CD2AP: variants seen among roughly 807,000 people sequenced by gnomAD.
The protein encoded by CD2AP is CD2-associated protein.
CD2AP carries 46 observed loss-of-function variants against 85.1 expected under a neutral mutation model. The observed-to-expected ratio is 0.54, with a 90% confidence interval of 0.43 to 0.69. The LOEUF is 0.69. Ranked by LOEUF, CD2AP falls within the 30% of genes least tolerant of loss-of-function variation. The pLI is 0.00. For missense variants in CD2AP, 769 were observed against 729.5 expected (o/e 1.05, Z -0.62); for synonymous variants, 255 against 252.9 (o/e 1.01, Z -0.08).
At chr6:47,527,659 A>G (rs1766765103) in intron 2 of CD2AP, among the ~76,000 whole-genome samples, 1 of 152,206 alleles carries the variant, frequency 6.6e-6, no homozygotes, top group Non-Finnish European at 1.5e-5. Flanking sequence ...GTGATTTGGT[A>G]TGGGACATGG....
At chr6:47,543,074 T>C (rs1311673852) in intron 3 of CD2AP, among the ~76,000 whole-genome samples, 2 of 136,212 alleles carry the variant, frequency 1.5e-5, no homozygotes, top group African/African-American at 5.7e-5. Flanking sequence ...TCGCTTGAAC[T>C]CGGGAGGTGG....
intron 2 of CD2AP, among the ~76,000 whole-genome samples, chr6:47,507,728 A>G (rs539799191): frequency 3.3e-5 from 5 of 152,186 alleles, no homozygotes; most frequent in Non-Finnish European, 5.9e-5. Flanking sequence ...TACAGGTGTG[A>G]GCCACCGTGC....
chr6:47,545,610 G>T (rs938783350), intron 4 of CD2AP, among the ~76,000 whole-genome samples: 1 of 151,972 alleles, frequency 6.6e-6, no homozygotes, highest in African/African-American at 2.4e-5. Flanking sequence ...TCAATACCCC[G>T]CCCGCTGGTC....
At chr6:47,503,883 A>C (rs1388835963) in intron 2 of CD2AP, among the ~76,000 whole-genome samples, 1 of 152,236 alleles carries the variant, frequency 6.6e-6, no homozygotes, top group Non-Finnish European at 1.5e-5. Context: ...TGGTTAGCTA[A>C]GACAAGAGAC....
At chr6:47,503,698 T>C (rs1265678006) in intron 2 of CD2AP, among the ~76,000 whole-genome samples, 2 of 152,228 alleles carry the variant, frequency 1.3e-5, no homozygotes, top group Admixed American at 1.3e-4. Flanking sequence ...ACTGATTGTT[T>C]TAAAATAAAT....
intron 13 of CD2AP, 121 bp downstream of exon 13, chr6:47,599,564 T>C (rs1308882351): frequency 6.7e-6 from 6 of 898,582 alleles, no homozygotes; most frequent in East Asian, 2.6e-5. Context: ...AATTACACAG[T>C]TGAAATTTGT....
At position 47,491,362 on chromosome 6, in the gene CD2AP, A is replaced by G. The variant is rs911555355; in HGVS notation, c.5-11918A>G. 3.3e-5 allele frequency among the ~76,000 whole-genome samples: 5 copies of G among 151,994 alleles called. No individual in the cohort carries two copies. The South Asian group carries it at 1.0e-3, about 32-fold the overall frequency. ...ATTAAAGTATTTTCATCATATTCCT[A>G]CTACTTTGAGAGTAAAGCTTGTAAT... On this transcript the variant is annotated intron_variant, in intron 1 of 17. Transcript: ENST00000359314.
At chr6:47,554,220 T>C (rs1343204032) in intron 4 of CD2AP, among the ~76,000 whole-genome samples, 1 of 152,212 alleles carries the variant, frequency 6.6e-6, no homozygotes, top group African/African-American at 2.4e-5. Flanking sequence ...CAGGAAGTTA[T>C]ATTCTTAGAA....
chr6:47,553,444 T>G (rs1394047641), intron 4 of CD2AP, among the ~76,000 whole-genome samples: 1 of 151,570 alleles, frequency 6.6e-6, no homozygotes, highest in Non-Finnish European at 1.5e-5. Context: ...CTTCCCAGGT[T>G]CAACTGATTC....
At chr6:47,573,949 A>C in intron 5 of CD2AP, 115 bp from the exon 6 acceptor site, 1 of 928,990 alleles carries the variant, frequency 1.1e-6, no homozygotes. Flanking sequence ...TGAATAGTTT[A>C]ATTTTTTTTC....
chr6:47,540,412 G>A (rs955442846), intron 3 of CD2AP, among the ~76,000 whole-genome samples: 2 of 151,898 alleles, frequency 1.3e-5, no homozygotes, highest in Non-Finnish European at 2.9e-5. Flanking sequence ...TTCAATATAG[G>A]CAGTCACCTC....
chr6:47,519,948 A>G (rs1033763439), intron 2 of CD2AP, among the ~76,000 whole-genome samples: 7 of 152,210 alleles, frequency 4.6e-5, no homozygotes, highest in African/African-American at 1.7e-4. Flanking sequence ...TGATTAGTCT[A>G]TTTGCTTAAA....
At chr6:47,588,321 G>A (rs1174257124) in intron 11 of CD2AP, among the ~76,000 whole-genome samples, 1 of 152,138 alleles carries the variant, frequency 6.6e-6, no homozygotes, top group Non-Finnish European at 1.5e-5. Context: ...GGGAAAAGGT[G>A]TGTGTATAGA....
At chr6:47,551,194 G>T (rs200919967) in intron 4 of CD2AP, among the ~76,000 whole-genome samples, 3 of 150,026 alleles carry the variant, frequency 2.0e-5, no homozygotes, top group Non-Finnish European at 4.4e-5. Flanking sequence ...ATAAAAAAAA[G>T]AAAAAAAAAT....
chr6:47,591,949 A>G (rs902673882), intron 11 of CD2AP, among the ~76,000 whole-genome samples: 4 of 152,076 alleles, frequency 2.6e-5, no homozygotes, highest in Non-Finnish European at 5.9e-5. Flanking sequence ...CTCGGCCTCC[A>G]GAGTAGCTGG....
chr6:47,511,015 A>G (rs917798570), intron 2 of CD2AP, among the ~76,000 whole-genome samples: 24 of 141,176 alleles, frequency 1.7e-4, no homozygotes, highest in Non-Finnish European at 3.2e-4. Flanking sequence ...AGAGGTTGCA[A>G]TGAGCTGAGA....
chr6:47,525,157 T>A (rs1055729463), intron 2 of CD2AP, among the ~76,000 whole-genome samples: 1 of 152,138 alleles, frequency 6.6e-6, no homozygotes, highest in Non-Finnish European at 1.5e-5. Flanking sequence ...GACTATTTTT[T>A]AAAATGTAAG....
chr6:47,493,366 T>TC (rs397827995), intron 1 of CD2AP, among the ~76,000 whole-genome samples: 400 of 151,602 alleles, frequency 2.6e-3, no homozygotes, highest in Admixed American at 5.4e-3. Flanking sequence ...TTTTTTTTTT[T>TC]CCAATGCTTT....
intron 4 of CD2AP, among the ~76,000 whole-genome samples, chr6:47,548,857 G>T (rs543580762): frequency 2.0e-5 from 3 of 152,092 alleles, no homozygotes; most frequent in African/African-American, 7.2e-5. Context: ...AATACACCAC[G>T]ATCAAGTGGG....
Sources: gnomAD v4.1 joint callset for allele counts (sites outside exome capture counted in the v4.1 genomes callset) on GRCh38, gnomAD v4.1.1 for gene constraint, MANE v1.5 for transcripts, NCBI Gene and HGNC (gene_info 2026-07-23, HGNC 2026-07-21) for gene names.